The following EBF4 variants were observed in gnomAD, a reference collection of about 807,000 sequenced individuals.
EBF4 encodes transcription factor COE4.
In EBF4, 34 loss-of-function variants were observed where a neutral mutation model predicts 67.1. The ratio of observed to expected loss-of-function variants is 0.51; its 90% CI spans 0.39 to 0.67. EBF4 has a LOEUF of 0.67. Among genes scored for constraint, EBF4 ranks in the 30% least tolerant of loss-of-function variants. The pLI is 0.00. For missense variants in EBF4, 837 were observed against 873.3 expected, an observed-to-expected ratio of 0.96 and a Z score of 0.52; for synonymous variants, 387 against 377.7, an observed-to-expected ratio of 1.02 and a Z score of -0.29.
intron 15 of EBF4, 198 bp from the exon 16 acceptor site, chr20:2,758,711 T>A: frequency 1.6e-6 from 1 of 612,684 alleles, no homozygotes; most frequent in Non-Finnish European, 2.9e-6. Context: ...AGCAAGGGCG[T>A]GGGCTGCATC....
chr20:2,751,508 G>A lies in EBF4; in HGVS notation c.1019-192G>A, dbSNP rs2088144111. ...ATATTTGTTGAGTAAACAAACGAAAGAACTGAAACTTCCCTGAATCTCGCT... is the reference window on the plus strand; with the variant it reads ...ATATTTGTTGAGTAAACAAACGAAAAAACTGAAACTTCCCTGAATCTCGCT... On this transcript the variant is annotated intron_variant, in intron 10 of 16. Transcript: ENST00000609451. The surrounding 1 kb of genome is among the most constrained non-coding windows in gnomAD (Gnocchi z 5.2). Among the ~76,000 whole-genome samples, 1 of 152,184 alleles carries A rather than the reference G, an allele frequency of 6.6e-6. No homozygotes were observed. The highest frequency in any genetic ancestry group is 6.5e-5 in the Admixed American group (1 of 15,286).
At chr20:2,698,642 A>T (rs1241496998) in intron 1 of EBF4, among the ~76,000 whole-genome samples, 3 of 151,828 alleles carry the variant, frequency 2.0e-5, no homozygotes, top group African/African-American at 7.3e-5. Flanking sequence ...GCAGAGAGAG[A>T]CTTTGGGGAA....
At chr20:2,730,085 G>C (rs2087794093) in intron 6 of EBF4, among the ~76,000 whole-genome samples, 1 of 152,230 alleles carries the variant, frequency 6.6e-6, no homozygotes, top group Non-Finnish European at 1.5e-5. Flanking sequence ...CCCTGTGGCT[G>C]AGGGCACTTT....
chr20:2,709,626 C>G, exon 6 of EBF4: 1 of 1,554,496 alleles, frequency 6.4e-7, no homozygotes, highest in Non-Finnish European at 8.7e-7. Context: ...GCCCTCAGAC[C>G]CCGTCATCAT....
At chr20:2,713,269 G>A (rs923371966) in intron 6 of EBF4, among the ~76,000 whole-genome samples, 5 of 152,212 alleles carry the variant, frequency 3.3e-5, no homozygotes, top group Non-Finnish European at 7.3e-5. Flanking sequence ...TTAGCTGGGA[G>A]CATAGACAGT....
At position 2,747,876 on chromosome 20, in the gene EBF4, G is replaced by T. The variant is rs1032418576; in HGVS notation, c.558-673G>T. Among the ~76,000 whole-genome samples the T allele has an allele frequency of 1.3e-5, 2 of 152,170 alleles. No homozygotes were observed. The highest frequency in any genetic ancestry group is 2.9e-5 in the Non-Finnish European group (2 of 68,028). On this transcript the variant is annotated intron_variant, in intron 6 of 16. Transcript: ENST00000609451. This position sits in a 1 kb window ranked among gnomAD's most constrained non-coding sequence, Gnocchi z 4.6. ...TTAGTATGCCATATGTGTGGGATGA[G>T]TGCAGGCTATATGTGGAGTACATGT...
At chr20:2,729,138 T>C (rs1308914789) in intron 6 of EBF4, among the ~76,000 whole-genome samples, 5 of 152,000 alleles carry the variant, frequency 3.3e-5, no homozygotes, top group Admixed American at 1.3e-4. Context: ...ATTTTGTACA[T>C]ATGAAAACAA....
chr20:2,724,877 C>G (rs1337603490), intron 6 of EBF4, among the ~76,000 whole-genome samples: 3 of 152,178 alleles, frequency 2.0e-5, no homozygotes, highest in Admixed American at 6.5e-5. Context: ...GCATTCCAGC[C>G]TGGGCAACAG....
At chr20:2,724,442 G>T (rs931801815) in intron 6 of EBF4, among the ~76,000 whole-genome samples, 1 of 151,910 alleles carries the variant, frequency 6.6e-6, no homozygotes, top group Non-Finnish European at 1.5e-5. Context: ...TCTTTCTAAA[G>T]TACATCTTTT....
chr20:2,726,548 T>G (rs888568944), intron 6 of EBF4, among the ~76,000 whole-genome samples: 1 of 150,744 alleles, frequency 6.6e-6, no homozygotes, highest in Non-Finnish European at 1.5e-5. Context: ...ACCACTACAC[T>G]CTAGCCTAGG....
In EBF4 at chr20:2,705,041, G is replaced by C. The variant is rs1029874157; in HGVS notation, c.138-536G>C. On this transcript the variant is annotated intron_variant, in intron 1 of 16. Transcript: ENST00000609451. ...GCTCCCTACCTTCAGCCAGGGCCCA[G>C]GCCAGGCAGACTAGTGGTCCTGAGC... 2.6e-5 allele frequency among the ~76,000 whole-genome samples: 4 copies of C among 152,380 alleles called. No individual in the cohort carries two copies. The South Asian group carries it at 8.3e-4, about 32-fold the overall frequency.
intron 6 of EBF4, among the ~76,000 whole-genome samples, chr20:2,733,627 C>G (rs897700752): frequency 6.6e-6 from 1 of 151,946 alleles, no homozygotes; most frequent in Non-Finnish European, 1.5e-5. Flanking sequence ...CTTTCTGCTT[C>G]TGAGCTAGAT....
intron 6 of EBF4, 56 bp from the exon 7 acceptor site, chr20:2,748,493 C>T (rs2088087422): frequency 6.6e-7 from 1 of 1,507,858 alleles, no homozygotes; most frequent in African/African-American, 1.4e-5. Flanking sequence ...GCAGTTGGAT[C>T]TTCATCTGTT....
chr20:2,717,731 T>C lies in EBF4; in HGVS notation c.557+8089T>C, dbSNP rs117132956. On this transcript the variant is annotated intron_variant, in intron 6 of 16. Coordinates refer to ENST00000609451, the Ensembl canonical transcript of EBF4. ...TTATTTTATCTATCCAGTCCTTATA[T>C]ATTTTATTTCTTTTTCTTGCTTTAT... Among the ~76,000 whole-genome samples, 35 of 152,310 alleles carry C rather than the reference T, an allele frequency of 2.3e-4. No homozygotes were observed. The East Asian group carries it at 6.7e-3, about 29-fold the overall frequency.
At chr20:2,721,481 G>T (rs1485636239) in intron 6 of EBF4, among the ~76,000 whole-genome samples, 2 of 151,438 alleles carry the variant, frequency 1.3e-5, no homozygotes, top group Non-Finnish European at 2.9e-5. Flanking sequence ...TTTAGATGGA[G>T]TCTCGCTCTG....
At chr20:2,748,737 A>C in intron 7 of EBF4, 107 bp downstream of exon 7, 1 of 1,293,860 alleles carries the variant, frequency 7.7e-7, no homozygotes, top group Non-Finnish European at 1.1e-6. Context: ...AAAGGCCTCC[A>C]AGGCAGATCT....
chr20:2,704,685 C>T (rs1469979285), intron 1 of EBF4, among the ~76,000 whole-genome samples: 1 of 152,224 alleles, frequency 6.6e-6, no homozygotes, highest in Non-Finnish European at 1.5e-5. Context: ...CTTTGCTTCT[C>T]CAGTTTTTTT....
Position 2,707,236 on chromosome 20 carries a change from G to T in EBF4, c.415-711G>T, listed in dbSNP as rs1042471216. 5.3e-5 allele frequency among the ~76,000 whole-genome samples: 8 copies of T among 152,146 alleles called. No individual in the cohort carries two copies. Among genetic ancestry groups the T allele is most frequent in the Non-Finnish European group, 1.0e-4 (7 of 68,024 alleles). ...CCTAGTGGAACTGTCAAGGGGACGG[G>T]TGTGGAAGGGGTTCGAGGAAGTCCA... On this transcript the variant is annotated intron_variant, in intron 4 of 16. Coordinates refer to ENST00000609451, the Ensembl canonical transcript of EBF4. The surrounding 1 kb of genome is among the most constrained non-coding windows in gnomAD (Gnocchi z 4.6).
At chr20:2,716,329 C>A (rs975791614) in intron 6 of EBF4, among the ~76,000 whole-genome samples, 3 of 151,430 alleles carry the variant, frequency 2.0e-5, no homozygotes, top group African/African-American at 4.9e-5. Context: ...GAGTTCGAGA[C>A]TAGGCTGACC....
Sources: gnomAD v4.1 joint callset for allele counts (sites outside exome capture counted in the v4.1 genomes callset) on GRCh38, gnomAD v4.1.1 for gene constraint, Gnocchi (gnomAD v3.1) non-coding constraint, MANE v1.5 for transcripts, NCBI Gene and HGNC (gene_info 2026-07-23, HGNC 2026-07-21) for gene names.